The following TNN variants were observed in gnomAD, a reference collection of about 807,000 sequenced individuals.
The protein encoded by TNN is tenascin-N.
A neutral mutation model predicts 134.4 loss-of-function variants in TNN; 122 were observed. That is an observed-to-expected ratio of 0.91 (90% confidence interval 0.78 to 1.06). TNN has a LOEUF of 1.06. Ranked by LOEUF, TNN falls within the 50% of genes least tolerant of loss-of-function variation. TNN has a pLI of 0.00. For missense variants in TNN, 1,739 were observed against 1,699.4 expected (o/e 1.02, Z -0.41); for synonymous variants, 710 against 670.3 (o/e 1.06, Z -0.91).
At chr1:175,145,565 A>AAAAAAAAAAAAAAAAAAAAAAAAAAAAC (rs1558378518) in intron 18 of TNN, among the ~76,000 whole-genome samples, 1 of 147,930 alleles carries the variant, frequency 6.8e-6, no homozygotes. Context: ...AAAAAAAAAA[A>AAAAAAAAAAAAAAAAAAAAAAAAAAAAC]AAAAAAAAAA....
chr1:175,144,554 G>C lies in TNN; in HGVS notation c.3759+4G>C. 1 of 1,613,756 alleles carries C rather than the reference G, an allele frequency of 6.2e-7. No homozygotes were observed. Among genetic ancestry groups the C allele is most frequent in the Non-Finnish European group, 8.5e-7 (1 of 1,179,808 alleles). ...TGGGGAGACCAAGCACAGTGAGGTA[G>C]GTGACAGGTGAATGTCTTTTCTGTC... is the stretch of plus-strand genomic sequence containing the variant. On this transcript the variant is annotated splice_donor_region_variant and intron_variant, in intron 18 of 18. Coordinates refer to ENST00000239462, the MANE Select transcript of TNN (RefSeq NM_022093.2).
rs557222822 is a variant in TNN, at chr1:175,147,747, G to A, written c.*676G>A. On this transcript the variant is annotated 3_prime_UTR_variant, in exon 19 of 19. Coordinates refer to ENST00000239462, the MANE Select transcript of TNN (RefSeq NM_022093.2). ...TTGCGTCCATAGAGCTGCATATGTT[G>A]TGAATAAATTCTCACTCATTTCAAC... 2.0e-5 allele frequency: 3 copies of A among 152,280 alleles called. 1 individual carries two copies. Among genetic ancestry groups the A allele is most frequent in the South Asian group, 4.1e-4 (2 of 4,822 alleles). The allele number at this position is 152,280 out of a possible 1,614,324, so 9.4% of individuals were successfully genotyped here.
At chr1:175,085,895 G>T (rs1294516117) in intron 6 of TNN, among the ~76,000 whole-genome samples, 1 of 95,546 alleles carries the variant, frequency 1.0e-5, no homozygotes, top group Non-Finnish European at 2.2e-5. Context: ...AAAAAAAAAA[G>T]AGAATTCTGG....
chr1:175,108,638 C>T (rs955468809), intron 9 of TNN, among the ~76,000 whole-genome samples: 10 of 152,370 alleles, frequency 6.6e-5, no homozygotes, highest in South Asian at 4.1e-4. Flanking sequence ...AGAAATCGAG[C>T]GTAGCGCCGG....
intron 9 of TNN, among the ~76,000 whole-genome samples, chr1:175,103,997 A>G (rs1428348397): frequency 2.1e-5 from 3 of 146,004 alleles, no homozygotes; most frequent in Admixed American, 6.9e-5. Context: ...ACAAATGGGT[A>G]ACTTGTTCCC....
At chr1:175,096,772 G>T (rs1241462400) in intron 7 of TNN, among the ~76,000 whole-genome samples, 1 of 152,162 alleles carries the variant, frequency 6.6e-6, no homozygotes, top group African/African-American at 2.4e-5. Flanking sequence ...TTTCTTCATA[G>T]AGTTGAGGAG....
chr1:175,092,172 T>G (rs563160888), intron 6 of TNN, among the ~76,000 whole-genome samples: 1 of 152,344 alleles, frequency 6.6e-6, no homozygotes, highest in South Asian at 2.1e-4. Context: ...AGATATTGGT[T>G]TTGGATGGCT....
chr1:175,139,363 T>C (rs1243586456), intron 17 of TNN, among the ~76,000 whole-genome samples: 1 of 152,212 alleles, frequency 6.6e-6, no homozygotes, highest in Non-Finnish European at 1.5e-5. Flanking sequence ...AGTTTTTTTT[T>C]CTATTTAAAC....
At chr1:175,134,101 A>G (rs1675739323) in intron 15 of TNN, among the ~76,000 whole-genome samples, 2 of 152,310 alleles carry the variant, frequency 1.3e-5, no homozygotes, top group Non-Finnish European at 2.9e-5. Flanking sequence ...AACTCCTAGC[A>G]TTGCCTGAGA....
At chr1:175,093,959 T>A (rs1674507639) in intron 6 of TNN, 31 bp from the exon 7 acceptor site, 5 of 1,574,912 alleles carry the variant, frequency 3.2e-6, no homozygotes, top group Non-Finnish European at 1.7e-6. Flanking sequence ...CTGGTTTCTC[T>A]GATTTTTCTT....
At chr1:175,134,238 A>C (rs762667484) in intron 15 of TNN, among the ~76,000 whole-genome samples, 2 of 152,138 alleles carry the variant, frequency 1.3e-5, no homozygotes, top group Non-Finnish European at 2.9e-5. Flanking sequence ...CCACATCCCC[A>C]AATGAGCTCA....
At chr1:175,095,789 G>A (rs1056993933) in intron 7 of TNN, among the ~76,000 whole-genome samples, 2 of 152,158 alleles carry the variant, frequency 1.3e-5, no homozygotes, top group Admixed American at 6.5e-5. Context: ...CCCCAGGCTG[G>A]TCTCGAACTC....
intron 4 of TNN, among the ~76,000 whole-genome samples, chr1:175,080,672 T>G (rs951786944): frequency 6.6e-6 from 1 of 152,070 alleles, no homozygotes; most frequent in African/African-American, 2.4e-5. Flanking sequence ...CTGAGATTAT[T>G]TGGGTCTGCA....
chr1:175,079,523 G>A lies in TNN; in HGVS notation c.600G>A (p.Pro200=), dbSNP rs763252970. 2.0e-5 allele frequency: 32 copies of A among 1,563,350 alleles called. No homozygotes were observed. In the Middle Eastern group the frequency reaches 8.3e-4, roughly 41 times the overall value. The change falls in exon 3 of 19, where the codon CCG becomes CCA. Residue 200 remains proline, a synonymous_variant. Coordinates refer to ENST00000239462, the MANE Select transcript of TNN (RefSeq NM_022093.2). ...ACGTGGGTGCCGACTGCGGCTACCC[G>A]GCCTGCCCTGAGAACTGCAGCGGAC... ...EPYVGADCGY[P]ACPENCSGHG... is the part of the protein sequence containing the mutation.
intron 1 of TNN, among the ~76,000 whole-genome samples, chr1:175,073,571 C>A (rs1001655725): frequency 6.6e-6 from 1 of 152,202 alleles, no homozygotes; most frequent in African/African-American, 2.4e-5. Context: ...CAGCTCAGAC[C>A]TGATGCTGGA....
intron 14 of TNN, 62 bp downstream of exon 14, chr1:175,128,226 C>A: frequency 6.9e-7 from 1 of 1,457,258 alleles, no homozygotes; most frequent in African/African-American, 1.4e-5. Context: ...GAAAGCCTAG[C>A]AAAGGAGTCC....
At chr1:175,116,256 G>T (rs1420963954) in intron 9 of TNN, among the ~76,000 whole-genome samples, 1 of 151,940 alleles carries the variant, frequency 6.6e-6, no homozygotes, top group Non-Finnish European at 1.5e-5. Flanking sequence ...CAGAGAGGTA[G>T]GTTTGCCCTT....
intron 6 of TNN, among the ~76,000 whole-genome samples, chr1:175,088,218 A>T (rs914327648): frequency 1.1e-4 from 16 of 152,088 alleles, no homozygotes; most frequent in Non-Finnish European, 1.8e-4. Context: ...TGGGGCTGGT[A>T]GTTCCAATCC....
chr1:175,136,933 G>T lies in TNN; in HGVS notation c.3540G>T (p.Val1180=). 6.2e-7 allele frequency: 1 copy of T among 1,614,196 alleles called. No homozygotes were observed. Among genetic ancestry groups the T allele is most frequent in the Non-Finnish European group, 8.5e-7 (1 of 1,180,022 alleles). The change falls in exon 17 of 19, where the codon GTG becomes GTT. Residue 1180 remains valine, a synonymous_variant. Coordinates refer to ENST00000239462, the MANE Select transcript of TNN (RefSeq NM_022093.2). ...SAYAIYDFFQ[V]ASSKERYKLT... is the part of the protein sequence containing the mutation. ...ATGCTATATATGATTTCTTCCAAGTGGCCTCCAGCAAGGAGCGGTATAAGC... is the reference window on the plus strand; with the variant it reads ...ATGCTATATATGATTTCTTCCAAGTTGCCTCCAGCAAGGAGCGGTATAAGC...
Sources: allele counts gnomAD v4.1 joint callset (sites outside exome capture counted in the v4.1 genomes callset), GRCh38; gene constraint gnomAD v4.1.1; transcripts MANE v1.5; gene names NCBI Gene and HGNC (gene_info 2026-07-23, HGNC 2026-07-21).